MAP3K13: variants seen among roughly 807,000 people sequenced by gnomAD.
MAP3K13 encodes the protein leucine zipper-bearing kinase.
MAP3K13 carries 52 observed loss-of-function variants against 104.0 expected under a neutral mutation model. That is an observed-to-expected ratio of 0.50 (90% CI 0.40 to 0.63). The LOEUF is 0.63. Ranked by LOEUF, MAP3K13 falls within the 20% of genes least tolerant of loss-of-function variation. The probability of loss-of-function intolerance (pLI) is 0.00; values close to 1 mark genes in which losing one functional copy is unlikely to be tolerated. For synonymous variants in MAP3K13, 394 were observed against 442.2 expected, an observed-to-expected ratio of 0.89 and a Z score of 1.37; for missense variants, 914 against 1,218.5, an observed-to-expected ratio of 0.75 and a Z score of 3.72.
intron 1 of MAP3K13, among the ~76,000 whole-genome samples, chr3:185,398,127 G>A (rs1162853502): frequency 6.6e-6 from 1 of 152,082 alleles, no homozygotes; most frequent in Non-Finnish European, 1.5e-5. Context: ...ACAGACTTGT[G>A]GGGGTGAGGA....
At chr3:185,449,466 T>G (rs1322674588) in intron 5 of MAP3K13, among the ~76,000 whole-genome samples, 1 of 152,152 alleles carries the variant, frequency 6.6e-6, no homozygotes, top group East Asian at 1.9e-4. Flanking sequence ...ATTTTTCTAT[T>G]TAAATCTTTG....
rs1482185765 is a variant in MAP3K13, at chr3:185,454,587, TATATAG to T, written c.1278+3198_1278+3203del. On this transcript the variant is annotated intron_variant, in intron 7 of 13. Coordinates refer to ENST00000265026, the MANE Select transcript of MAP3K13 (RefSeq NM_004721.5). ...TATGATATATATGATATATATATGATATATAGATATATATGAGATATATATGATATA... is the reference window on the plus strand; with the variant it reads ...TATGATATATATGATATATATATGATATATATATGAGATATATATGATATA... Among the ~76,000 whole-genome samples the T allele has an allele frequency of 3.2e-3, 291 of 90,734 alleles. 17 individuals are homozygous for T. The highest frequency in any genetic ancestry group is 0.012 in the African/African-American group (284 of 24,384). 59.5% of individuals were successfully genotyped at this position (90,734 alleles called of 152,430 possible). A position where few individuals can be genotyped will look rare whatever the true frequency, so the allele number is the denominator to read the frequency against.
At position 185,441,426 on chromosome 3, in the gene MAP3K13, G is replaced by C. The variant is rs145766688; in HGVS notation, c.660-2019G>C. ...TGAGGTAGAGAGAAAAGAACTTGAA[G>C]ACCTTTCCCTTCAAGGAGCTTACAA... On this transcript the variant is annotated intron_variant, in intron 3 of 13. Coordinates refer to ENST00000265026, the MANE Select transcript of MAP3K13 (RefSeq NM_004721.5). Among the ~76,000 whole-genome samples the C allele has an allele frequency of 1.4e-3, 215 of 152,242 alleles. 1 individual carries two copies. In the East Asian group the frequency reaches 0.031, roughly 22 times the overall value.
chr3:185,441,306 C>A (rs374044061), intron 3 of MAP3K13, among the ~76,000 whole-genome samples: 1 of 152,192 alleles, frequency 6.6e-6, no homozygotes, highest in Non-Finnish European at 1.5e-5. Context: ...CTCCTCCAGG[C>A]CTCTGCACAT....
chr3:185,402,026 C>T (rs1054663798), intron 1 of MAP3K13, among the ~76,000 whole-genome samples: 1 of 152,132 alleles, frequency 6.6e-6, no homozygotes, highest in Admixed American at 6.5e-5. Flanking sequence ...GAAGAGTTCC[C>T]GAAGGAGATG....
At chr3:185,404,287 A>G (rs957255140) in intron 1 of MAP3K13, among the ~76,000 whole-genome samples, 1 of 152,242 alleles carries the variant, frequency 6.6e-6, no homozygotes, top group African/African-American at 2.4e-5. Context: ...GTTTTCAGTA[A>G]GCAGAAAATA....
In MAP3K13 at chr3:185,443,574, T is replaced by C. The variant is rs1258087512; in HGVS notation, c.789T>C (p.Ile263=). The change falls in exon 4 of 14, where the codon ATT becomes ATC. Residue 263 remains isoleucine (I), a synonymous_variant. Coordinates refer to ENST00000265026, the MANE Select transcript of MAP3K13 (RefSeq NM_004721.5). ...TGCTAGTAGACTGGTCCACAGGAATTGCAAGTGGAATGAATTATTTGCACC... is the reference window on the plus strand; with the variant it reads ...TGCTAGTAGACTGGTCCACAGGAATCGCAAGTGGAATGAATTATTTGCACC... ...PRLLVDWSTG[I]ASGMNYLHLH... is the part of the protein sequence containing the mutation. 5.6e-6 allele frequency: 9 copies of C among 1,614,160 alleles called. No homozygotes were observed. The highest frequency in any genetic ancestry group is 7.6e-6 in the Non-Finnish European group (9 of 1,179,990).
At chr3:185,433,873 G>A (rs1407067381) in intron 2 of MAP3K13, among the ~76,000 whole-genome samples, 2 of 151,964 alleles carry the variant, frequency 1.3e-5, no homozygotes, top group African/African-American at 2.4e-5. Context: ...ATACTAATAG[G>A]CATTATTTCT....
chr3:185,437,328 C>A, intron 2 of MAP3K13, 119 bp from the exon 3 acceptor site: 1 of 760,950 alleles, frequency 1.3e-6, no homozygotes, highest in Non-Finnish European at 2.2e-6. Flanking sequence ...CTATCTTTTG[C>A]CGGGAGACAG....
chr3:185,378,516 G>A (rs997203502), intron 1 of MAP3K13, among the ~76,000 whole-genome samples: 6 of 152,138 alleles, frequency 3.9e-5, no homozygotes, highest in South Asian at 2.1e-4. Context: ...AAGCCAGACC[G>A]GTGTGAGGAG....
At chr3:185,368,222 A>T (rs1294772515) in intron 1 of MAP3K13, among the ~76,000 whole-genome samples, 1 of 152,208 alleles carries the variant, frequency 6.6e-6, no homozygotes, top group Non-Finnish European at 1.5e-5. Flanking sequence ...TTCCCACTGT[A>T]CAGATGAGGA....
Position 185,303,316 on chromosome 3 carries a change from T to C in MAP3K13, c.-86+17673T>C, listed in dbSNP as rs112353834. 5.5e-3 allele frequency among the ~76,000 whole-genome samples: 832 copies of C among 152,312 alleles called. 14 individuals are homozygous for C. The highest frequency in any genetic ancestry group is 0.019 in the African/African-American group (777 of 41,566). Reference sequence around the variant, plus strand: ...TTCCTAGAGTATCATTGTCTGCTTTTAGTATCAGGGTAGTGGTAATTAGTT... The same window carrying C: ...TTCCTAGAGTATCATTGTCTGCTTTCAGTATCAGGGTAGTGGTAATTAGTT... On this transcript the variant is annotated intron_variant, in intron 2 of 14. Transcript: ENST00000424227.
chr3:185,365,006 T>C (rs1723802964), intron 1 of MAP3K13, among the ~76,000 whole-genome samples: 1 of 152,192 alleles, frequency 6.6e-6, no homozygotes, highest in Non-Finnish European at 1.5e-5. Context: ...ATTTAAAAAA[T>C]GTTGTTTAAT....
intron 7 of MAP3K13, among the ~76,000 whole-genome samples, chr3:185,454,406 A>C (rs1716148892): frequency 1.0e-5 from 1 of 97,224 alleles, no homozygotes; most frequent in South Asian, 3.3e-4. Context: ...TGAGATATAT[A>C]TATGAGATAT....
At chr3:185,444,399 T>A (rs1055922577) in intron 4 of MAP3K13, among the ~76,000 whole-genome samples, 1 of 151,944 alleles carries the variant, frequency 6.6e-6, no homozygotes, top group African/African-American at 2.4e-5. Flanking sequence ...AAAGGAAAAG[T>A]AAAAACATTA....
In MAP3K13 at chr3:185,455,856, G is replaced by GAT. The variant is rs1468069681; in HGVS notation, c.1278+4468_1278+4469dup. Among the ~76,000 whole-genome samples the GAT allele has an allele frequency of 2.8e-4, 33 of 117,310 alleles. 1 individual carries two copies. The highest frequency in any genetic ancestry group is 2.4e-4 in the African/African-American group (7 of 28,858). The allele number at this position is 117,310 out of a possible 152,430, so 77.0% of individuals were successfully genotyped here. On this transcript the variant is annotated intron_variant, in intron 7 of 13. Coordinates refer to ENST00000265026, the MANE Select transcript of MAP3K13 (RefSeq NM_004721.5). ...AGATATATATATGAGATATATATGA[G>GAT]ATATATATGAGATATAGATGAGATA...
chr3:185,406,093 G>A (rs969661005), intron 1 of MAP3K13, among the ~76,000 whole-genome samples: 2 of 152,218 alleles, frequency 1.3e-5, no homozygotes, highest in African/African-American at 4.8e-5. Flanking sequence ...ACGACCCTGG[G>A]TGAAAGAGTA....
chr3:185,342,720 T>A (rs1722765298), intron 2 of MAP3K13, among the ~76,000 whole-genome samples: 1 of 152,198 alleles, frequency 6.6e-6, no homozygotes, highest in Non-Finnish European at 1.5e-5. Flanking sequence ...GATGGAATAG[T>A]GTGAAGTTCT....
chr3:185,453,958 G>GATATATGTGATACATATATATGAGAT (rs1716066889), intron 7 of MAP3K13, among the ~76,000 whole-genome samples: 3 of 40,796 alleles, frequency 7.4e-5, no homozygotes, highest in African/African-American at 1.9e-4. Context: ...ATATATATGA[G>GATATATGTGATACATATATATGAGAT]ATATATATGA....
Sources: gnomAD v4.1 joint callset for allele counts (sites outside exome capture counted in the v4.1 genomes callset) on GRCh38, gnomAD v4.1.1 for gene constraint, MANE v1.5 for transcripts, NCBI Gene and HGNC (gene_info 2026-07-23, HGNC 2026-07-21) for gene names.